Variants in KCNS3 observed in about 807,000 individuals in gnomAD.
The protein encoded by KCNS3 is delayed-rectifier potassium channel regulatory subunit KCNS3.
KCNS3 carries 13 observed loss-of-function variants against 31.0 expected under a neutral mutation model. That is an observed-to-expected ratio of 0.42 (90% CI 0.27 to 0.67). The LOEUF is 0.67. Ranked by LOEUF, KCNS3 falls within the 30% of genes least tolerant of loss-of-function variation. The probability of loss-of-function intolerance (pLI) is 0.25; values close to 1 mark genes in which losing one functional copy is unlikely to be tolerated. For synonymous variants in KCNS3, 238 were observed against 241.5 expected (o/e 0.99, Z 0.13); for missense variants, 545 against 622.4 (o/e 0.88, Z 1.32).
intron 1 of KCNS3, among the ~76,000 whole-genome samples, chr2:17,881,265 G>A (rs1674637496): frequency 6.6e-6 from 1 of 152,154 alleles, no homozygotes; most frequent in South Asian, 2.1e-4. Context: ...AGAGAAGGTG[G>A]GTGTGTTTAT....
At chr2:17,919,173 C>G (rs1662657682) in intron 2 of KCNS3, among the ~76,000 whole-genome samples, 1 of 152,196 alleles carries the variant, frequency 6.6e-6, no homozygotes, top group South Asian at 2.1e-4. Context: ...ACAGAGATCC[C>G]TGGAGTTTCC....
intron 1 of KCNS3, among the ~76,000 whole-genome samples, chr2:17,899,397 T>C (rs960483385): frequency 2.0e-5 from 3 of 150,064 alleles, no homozygotes; most frequent in Non-Finnish European, 4.4e-5. Flanking sequence ...ATTATTATTA[T>C]ATTACATCTA....
chr2:17,922,750 C>T (rs1394181608), intron 2 of KCNS3, among the ~76,000 whole-genome samples: 1 of 150,416 alleles, frequency 6.6e-6, no homozygotes, highest in Non-Finnish European at 1.5e-5. Flanking sequence ...TGGAATAATA[C>T]AATATATGAT....
At chr2:17,879,276 C>CT (rs1345320306) in intron 1 of KCNS3, 1 of 152,274 alleles carries the variant, frequency 6.6e-6, no homozygotes, top group African/African-American at 2.4e-5. Flanking sequence ...AGAGGAGGCG[C>CT]TTTCCTGGCG....
chr2:17,928,441 A>AT (rs1210874850), intron 2 of KCNS3, among the ~76,000 whole-genome samples: 1 of 151,802 alleles, frequency 6.6e-6, no homozygotes, highest in African/African-American at 2.4e-5. Flanking sequence ...TAATTTTTGT[A>AT]TTTTTTGTAG....
intron 1 of KCNS3, among the ~76,000 whole-genome samples, chr2:17,907,644 A>G (rs1662361330): frequency 1.3e-5 from 2 of 152,200 alleles, no homozygotes; most frequent in African/African-American, 2.4e-5. Context: ...AGCTCTTGTA[A>G]GGCAGGCCTG....
Position 17,888,629 on chromosome 2 carries a change from G to GTATATCTATATCTA in KCNS3, c.-252+9828_-252+9829insCTATATCTATATAT, listed in dbSNP as rs35102585. On this transcript the variant is annotated intron_variant, in intron 1 of 2. Transcript: ENST00000304101. ...GAACTTAAAGTATAATAAAAAAAAT[G>GTATATCTATATCTA]TATATATATATATATATATATATAT... Among the ~76,000 whole-genome samples the GTATATCTATATCTA allele has an allele frequency of 1.9e-3, 180 of 92,364 alleles. 11 individuals carry two copies. In the East Asian group the frequency reaches 0.025, roughly 13 times the overall value. The allele number at this position is 92,364 out of a possible 152,430, so 60.6% of individuals were successfully genotyped here. A position where few individuals can be genotyped will look rare whatever the true frequency, so the allele number is the denominator to read the frequency against.
At chr2:17,928,669 C>T (rs1662889196) in intron 2 of KCNS3, among the ~76,000 whole-genome samples, 1 of 148,320 alleles carries the variant, frequency 6.7e-6, no homozygotes, top group Non-Finnish European at 1.5e-5. Context: ...TTATTATTTC[C>T]TTTTTTTTTT....
At chr2:17,924,787 A>G (rs976606646) in intron 2 of KCNS3, among the ~76,000 whole-genome samples, 5 of 152,148 alleles carry the variant, frequency 3.3e-5, no homozygotes, top group Admixed American at 6.6e-5. Flanking sequence ...ATCTGTATTC[A>G]TAAGGGATGC....
Position 17,932,453 on chromosome 2 carries a change from C to T in KCNS3, c.1445C>T (p.Thr482Ile), listed in dbSNP as rs761641788. The T allele has an allele frequency of 3.9e-5, 63 of 1,612,914 alleles. No individual in the cohort carries two copies. The highest frequency in any genetic ancestry group is 5.3e-5 in the Non-Finnish European group (62 of 1,179,486). Reference sequence around the variant, plus strand: ...GAAGACAATGAGGACATTTGTAACACCACCTCCTTGGAGAATTGCACAGCA... The same window carrying T: ...GAAGACAATGAGGACATTTGTAACATCACCTCCTTGGAGAATTGCACAGCA... ...SIEDNEDICNTTSLENCTAK is the reference protein window; with the variant it reads ...SIEDNEDICNITSLENCTAK Residue 482 changes from threonine (T) to isoleucine (I), a missense_variant, in exon 3 of 3, where the codon ACC (threonine) becomes ATC (isoleucine). Thr to Ile is a moderately conservative substitution (Grantham distance 89). Coordinates refer to ENST00000304101, the MANE Select transcript of KCNS3 (RefSeq NM_002252.5).
chr2:17,929,661 A>G (rs1662912243), intron 2 of KCNS3, among the ~76,000 whole-genome samples: 2 of 152,222 alleles, frequency 1.3e-5, no homozygotes, highest in Admixed American at 6.5e-5. Flanking sequence ...TCTCCAGGTA[A>G]GGTCACTGCT....
At chr2:17,888,646 T>C (rs1297915166) in intron 1 of KCNS3, among the ~76,000 whole-genome samples, 1 of 127,290 alleles carries the variant, frequency 7.9e-6, no homozygotes, top group Admixed American at 7.6e-5. Flanking sequence ...TATATATATA[T>C]ATATATATAT....
chr2:17,888,635 A>ATC lies in KCNS3; in HGVS notation c.-252+9830_-252+9831insCT, dbSNP rs1572479235. ...AAAGTATAATAAAAAAAATGTATAT[A>ATC]TATATATATATATATATATATATAT... On this transcript the variant is annotated intron_variant, in intron 1 of 2. Transcript: ENST00000304101. 1.6e-3 allele frequency among the ~76,000 whole-genome samples: 47 copies of ATC among 28,518 alleles called. 1 individual carries two copies. In the South Asian group the frequency reaches 0.02, roughly 12 times the overall value. 18.7% of individuals were successfully genotyped at this position (28,518 alleles called of 152,430 possible).
intron 1 of KCNS3, among the ~76,000 whole-genome samples, chr2:17,897,530 C>T (rs1662058756): frequency 6.6e-6 from 1 of 152,104 alleles, no homozygotes; most frequent in Admixed American, 6.5e-5. Context: ...GCAACCTTGC[C>T]AGCATTTCTC....
chr2:17,882,063 C>G (rs1326193451), intron 1 of KCNS3, among the ~76,000 whole-genome samples: 1 of 152,160 alleles, frequency 6.6e-6, no homozygotes, highest in Non-Finnish European at 1.5e-5. Flanking sequence ...GCAAATTTGT[C>G]AAGTAAATCA....
intron 1 of KCNS3, among the ~76,000 whole-genome samples, chr2:17,904,478 T>C (rs1572489198): frequency 6.6e-6 from 1 of 152,216 alleles, no homozygotes; most frequent in East Asian, 1.9e-4. Context: ...ATCCCATTTG[T>C]CAATTTTGGC....
chr2:17,904,250 A>T (rs1662259335), intron 1 of KCNS3, among the ~76,000 whole-genome samples: 1 of 152,336 alleles, frequency 6.6e-6, no homozygotes, highest in South Asian at 2.1e-4. Flanking sequence ...GGCTGCATAA[A>T]TGTCTTCTTT....
chr2:17,927,723 A>G (rs1400768580), intron 2 of KCNS3, among the ~76,000 whole-genome samples: 1 of 152,204 alleles, frequency 6.6e-6, no homozygotes, highest in Non-Finnish European at 1.5e-5. Flanking sequence ...ACCTCCCACC[A>G]GTTCTCTTTC....
chr2:17,893,015 C>T (rs1661896209), intron 1 of KCNS3, among the ~76,000 whole-genome samples: 1 of 152,144 alleles, frequency 6.6e-6, no homozygotes. Context: ...TCTTCCATTA[C>T]CAAGGTGGAT....
Sources: gnomAD v4.1 joint callset for allele counts (sites outside exome capture counted in the v4.1 genomes callset) on GRCh38, gnomAD v4.1.1 for gene constraint, MANE v1.5 for transcripts, NCBI Gene and HGNC (gene_info 2026-07-23, HGNC 2026-07-21) for gene names.